The following BCAS3 variants were observed in gnomAD, a reference collection of about 807,000 sequenced individuals.
BCAS3 encodes the protein BCAS4/BCAS3 fusion.
Under a neutral mutation model 116.1 loss-of-function variants are expected in BCAS3, and 53 were observed. The observed-to-expected ratio is 0.46, with a 90% confidence interval of 0.37 to 0.57. The LOEUF is 0.57. BCAS3 is among the 20% of genes least tolerant of loss of function. BCAS3 has a pLI of 0.00. For missense variants in BCAS3, 917 were observed against 1,165.4 expected (o/e 0.79, Z 3.10); for synonymous variants, 391 against 408.2 (o/e 0.96, Z 0.51).
Position 61,309,144 on chromosome 17 carries a change from C to CT in BCAS3, c.2426-59177dup, listed in dbSNP as rs35745861. ...CCTCCATGCCCGTCAAGGAGTAATA[C>CT]TTTTTTCAGCCTTGGGTTTAGTGAC... On this transcript the variant is annotated intron_variant, in intron 22 of 23. Transcript: ENST00000407086. This position sits in a 1 kb window ranked among gnomAD's most constrained non-coding sequence, Gnocchi z 4.6. 0.36 allele frequency among the ~76,000 whole-genome samples: 55,155 copies of CT among 151,992 alleles called. 15,228 individuals are homozygous for CT. The highest frequency in any genetic ancestry group is 0.77 in the African/African-American group (32,092 of 41,432).
chr17:61,247,567 A>G (rs975156332), intron 22 of BCAS3, among the ~76,000 whole-genome samples: 5 of 152,140 alleles, frequency 3.3e-5, no homozygotes, highest in East Asian at 1.9e-4. Flanking sequence ...AAATTCTCCA[A>G]AGTAATTACT....
In BCAS3 at chr17:61,228,368, A is replaced by G. The variant is rs1330939722; in HGVS notation, c.2426-139959A>G. On this transcript the variant is annotated intron_variant, in intron 22 of 23. Transcript: ENST00000407086. The surrounding 1 kb of genome is among the most constrained non-coding windows in gnomAD (Gnocchi z 5.0). ...TATTTTTTTAAGGTGGGAAGGACACATGGGTATGGTGTATTTTAAAAGGAT... is the reference window on the plus strand; with the variant it reads ...TATTTTTTTAAGGTGGGAAGGACACGTGGGTATGGTGTATTTTAAAAGGAT... Among the ~76,000 whole-genome samples the G allele has an allele frequency of 2.0e-5, 3 of 152,216 alleles. No individual in the cohort carries two copies. Among genetic ancestry groups the G allele is most frequent in the Non-Finnish European group, 4.4e-5 (3 of 68,024 alleles).
chr17:60,895,648 A>C (rs758455256), intron 10 of BCAS3, among the ~76,000 whole-genome samples: 1 of 151,936 alleles, frequency 6.6e-6, no homozygotes, highest in Non-Finnish European at 1.5e-5. Flanking sequence ...GTTAATTTGT[A>C]ATCTTTGTAC....
At chr17:61,299,770 T>C (rs1487552275) in intron 22 of BCAS3, among the ~76,000 whole-genome samples, 1 of 152,216 alleles carries the variant, frequency 6.6e-6, no homozygotes, top group African/African-American at 2.4e-5. Flanking sequence ...TCTGACAGCA[T>C]AGTTCAGCAA....
intron 14 of BCAS3, among the ~76,000 whole-genome samples, chr17:60,988,360 T>TTTTTTTG (rs1555651709): frequency 3.0e-5 from 4 of 134,808 alleles, no homozygotes; most frequent in African/African-American, 1.3e-4. Context: ...TTTTTTTTTT[T>TTTTTTTG]ATGTATGTGT....
chr17:61,154,364 G>A lies in BCAS3; in HGVS notation c.2425+69800G>A, dbSNP rs376611798. On this transcript the variant is annotated intron_variant, in intron 22 of 23. Transcript: ENST00000407086. Reference sequence around the variant, plus strand: ...CAGTCACCGTTTTTTGGAACAACTCGGAGGGATTTTCTTTGCAAAAATTCT... The same window carrying A: ...CAGTCACCGTTTTTTGGAACAACTCAGAGGGATTTTCTTTGCAAAAATTCT... Among the ~76,000 whole-genome samples, 24 of 152,206 alleles carry A rather than the reference G, an allele frequency of 1.6e-4. No individual in the cohort carries two copies. In the East Asian group the frequency reaches 4.2e-3, roughly 27 times the overall value.
intron 7 of BCAS3, 80 bp downstream of exon 7, chr17:60,808,156 A>G: frequency 3.1e-6 from 3 of 962,522 alleles, no homozygotes; most frequent in Non-Finnish European, 4.8e-6. Context: ...ATGTTATAAA[A>G]CCTTTGTAAC....
chr17:60,921,195 G>A (rs1037553964), intron 12 of BCAS3, among the ~76,000 whole-genome samples: 6 of 152,162 alleles, frequency 3.9e-5, no homozygotes, highest in African/African-American at 1.2e-4. Context: ...TAAAGGAAAT[G>A]TGCTATTCAT....
intron 22 of BCAS3, among the ~76,000 whole-genome samples, chr17:61,110,732 G>A (rs11079412): frequency 7.1e-6 from 1 of 141,660 alleles, no homozygotes; most frequent in African/African-American, 2.6e-5. Context: ...CAACTGGGTG[G>A]AGCCCACCAC....
At chr17:60,869,825 A>G (rs562253290) in intron 8 of BCAS3, among the ~76,000 whole-genome samples, 2 of 152,316 alleles carry the variant, frequency 1.3e-5, no homozygotes, top group Admixed American at 6.5e-5. Context: ...ATTACATATT[A>G]TTTGGTCAAA....
chr17:61,201,051 T>A (rs2080787737), intron 22 of BCAS3, among the ~76,000 whole-genome samples: 1 of 152,170 alleles, frequency 6.6e-6, no homozygotes, highest in African/African-American at 2.4e-5. Flanking sequence ...GTCATACAGT[T>A]GTCTTTTCAT....
rs1049300503 is a variant in BCAS3 at position 61,309,420 on chromosome 17, T to C, written c.2426-58907T>C. ...CGTGTCACTCCCCATGTTGCCATTC[T>C]GTAGAAGAGGAAGCAGGAAGCCACC... On this transcript the variant is annotated intron_variant, in intron 22 of 23. Coordinates refer to ENST00000407086, the MANE Select transcript of BCAS3 (RefSeq NM_017679.5). This position sits in a 1 kb window ranked among gnomAD's most constrained non-coding sequence, Gnocchi z 4.6. Among the ~76,000 whole-genome samples, 1 of 152,102 alleles carries C rather than the reference T, an allele frequency of 6.6e-6. No individual in the cohort carries two copies. Among genetic ancestry groups the C allele is most frequent in the African/African-American group, 2.4e-5 (1 of 41,396 alleles).
intron 12 of BCAS3, among the ~76,000 whole-genome samples, chr17:60,922,765 CA>C (rs2145153004): frequency 6.6e-6 from 1 of 152,040 alleles, no homozygotes; most frequent in South Asian, 2.1e-4. Flanking sequence ...TCTCTAAGGA[CA>C]ATGGAAATCA....
In BCAS3 at chr17:61,198,396, T is replaced by C. The variant is rs182854330; in HGVS notation, c.2425+113832T>C. Among the ~76,000 whole-genome samples, 9 of 152,306 alleles carry C rather than the reference T, an allele frequency of 5.9e-5. No homozygotes were observed. Among genetic ancestry groups the C allele is most frequent in the African/African-American group, 1.9e-4 (8 of 41,560 alleles). On this transcript the variant is annotated intron_variant, in intron 22 of 23. Transcript: ENST00000407086. The surrounding 1 kb of genome is among the most constrained non-coding windows in gnomAD (Gnocchi z 5.0). ...ACCTCGTGATCCACCCGCCTCGGACTCCCAAAGTGCTGGGATTACAGGCCT... is the reference window on the plus strand; with the variant it reads ...ACCTCGTGATCCACCCGCCTCGGACCCCCAAAGTGCTGGGATTACAGGCCT...
chr17:61,210,237 A>T (rs1355080097), intron 22 of BCAS3, among the ~76,000 whole-genome samples: 1 of 152,208 alleles, frequency 6.6e-6, no homozygotes, highest in Non-Finnish European at 1.5e-5. Flanking sequence ...TCACATCATC[A>T]CTGTGGTGGA....
chr17:61,159,881 C>T (rs1350205514), intron 22 of BCAS3, among the ~76,000 whole-genome samples: 1 of 152,082 alleles, frequency 6.6e-6, no homozygotes. Context: ...GTTGTGTTTG[C>T]CTGTGTATTC....
At chr17:60,756,212 C>A (rs1257540794) in intron 6 of BCAS3, among the ~76,000 whole-genome samples, 1 of 152,186 alleles carries the variant, frequency 6.6e-6, no homozygotes, top group Non-Finnish European at 1.5e-5. Flanking sequence ...AGATCCCCTA[C>A]ATGCAGAGTT....
At position 61,162,242 on chromosome 17, in the gene BCAS3, G is replaced by A. The variant is rs80226635; in HGVS notation, c.2425+77678G>A. On this transcript the variant is annotated intron_variant, in intron 22 of 23. Transcript: ENST00000407086. This position sits in a 1 kb window ranked among gnomAD's most constrained non-coding sequence, Gnocchi z 5.6. ...GGAGCCACGGTTCTTACAGGAGTGG[G>A]TATGGTTCACATAGGAAGTGGGAGC... is the stretch of plus-strand genomic sequence containing the variant. Among the ~76,000 whole-genome samples, 1,855 of 152,260 alleles carry A rather than the reference G, an allele frequency of 0.012. 25 individuals carry two copies. The highest frequency in any genetic ancestry group is 0.043 in the African/African-American group (1,774 of 41,532).
At chr17:60,834,741 T>A (rs1298804188) in intron 7 of BCAS3, among the ~76,000 whole-genome samples, 1 of 151,934 alleles carries the variant, frequency 6.6e-6, no homozygotes, top group Non-Finnish European at 1.5e-5. Flanking sequence ...TATGGTTGTG[T>A]GTATCTGTTA....
Sources: gnomAD v4.1 joint callset for allele counts (sites outside exome capture counted in the v4.1 genomes callset) on GRCh38, gnomAD v4.1.1 for gene constraint, Gnocchi (gnomAD v3.1) non-coding constraint, MANE v1.5 for transcripts, NCBI Gene and HGNC (gene_info 2026-07-23, HGNC 2026-07-21) for gene names.